TSHB: variants seen among roughly 807,000 people sequenced by gnomAD.
TSHB encodes the protein thyroid stimulating hormone subunit beta.
Under a neutral mutation model 9.3 loss-of-function variants are expected in TSHB, and 9 were observed. That is an observed-to-expected ratio of 0.97 (90% CI 0.58 to 1.69). The LOEUF (loss-of-function observed/expected upper bound fraction) is 1.69, where lower values mean the gene tolerates loss of function less well. TSHB is among the 40% of genes most tolerant of loss of function. The probability of loss-of-function intolerance (pLI) is 0.00; values close to 1 mark genes in which losing one functional copy is unlikely to be tolerated. For synonymous variants in TSHB, 57 were observed against 57.2 expected (o/e 1.00, Z 0.01); for missense variants, 182 against 168.5 (o/e 1.08, Z -0.44).
intron 2 of TSHB, 61 bp downstream of exon 2, chr1:115,033,585 C>T: frequency 7.0e-7 from 1 of 1,424,750 alleles, no homozygotes; most frequent in Admixed American, 1.7e-5. Context: ...GAAGTCCATT[C>T]CTATATAGAA....
At chr1:115,031,747 C>T (rs1390226253) in intron 1 of TSHB, among the ~76,000 whole-genome samples, 1 of 151,996 alleles carries the variant, frequency 6.6e-6, no homozygotes, top group Non-Finnish European at 1.5e-5. Flanking sequence ...ATAGAGGGAG[C>T]TCACATTTGA....
Position 115,033,435 on chromosome 1 carries a change from A to G in TSHB, c.73A>G (p.Thr25Ala). ...GCAAGCGATGTCTTTTTGTATTCCAACTGAGTATACAATGCACATCGAAAG... is the reference window on the plus strand; with the variant it reads ...GCAAGCGATGTCTTTTTGTATTCCAGCTGAGTATACAATGCACATCGAAAG... ...CGQAMSFCIPTEYTMHIERRE... is the reference protein window; with the variant it reads ...CGQAMSFCIPAEYTMHIERRE... The change falls in exon 2 of 3, where the codon ACT becomes GCT. Residue 25 changes from threonine to alanine, a missense_variant. Thr to Ala is a moderately conservative substitution (Grantham distance 58). Transcript: ENST00000256592. The G allele has an allele frequency of 1.1e-5, 18 of 1,613,286 alleles. No homozygotes were observed. Among genetic ancestry groups the G allele is most frequent in the Non-Finnish European group, 1.5e-5 (18 of 1,179,310 alleles).
At chr1:115,030,605 C>T (rs61046251) in intron 1 of TSHB, among the ~76,000 whole-genome samples, 65,509 of 151,806 alleles carry the variant, frequency 0.43, 14,686 homozygotes, top group Non-Finnish European at 0.5. Context: ...TAAGAAAATA[C>T]GTTCAAAGTA....
rs138267022 is a variant in TSHB at position 115,034,106 on chromosome 1, T to C, written c.296T>C (p.Val99Ala). The C allele has an allele frequency of 6.9e-4, 1,113 of 1,613,852 alleles. 8 individuals carry two copies. The African/African-American group carries it at 0.013, about 19-fold the overall frequency. The change falls in exon 3 of 3, where the codon GTT becomes GCT. Residue 99 changes from valine (V) to alanine (A), a missense_variant. Val to Ala is a moderately conservative substitution (Grantham distance 64). Coordinates refer to ENST00000256592, the MANE Select transcript of TSHB (RefSeq NM_000549.5). Reference protein sequence around the residue: ...LHVAPYFSYPVALSCKCGKCN... With the variant: ...LHVAPYFSYPAALSCKCGKCN... ...GTTGCTCCCTATTTTTCCTATCCTG[T>C]TGCTTTAAGCTGTAAGTGTGGCAAG...
intron 2 of TSHB, 136 bp downstream of exon 2, chr1:115,033,660 A>C: frequency 1.1e-6 from 1 of 872,700 alleles, no homozygotes; most frequent in East Asian, 2.5e-5. Flanking sequence ...TTAGAAGCAG[A>C]GTACACAGGT....
At chr1:115,031,840 G>A (rs1340007964) in intron 1 of TSHB, among the ~76,000 whole-genome samples, 5 of 151,980 alleles carry the variant, frequency 3.3e-5, no homozygotes, top group Admixed American at 2.0e-4. Context: ...CAAACCTTCC[G>A]TGGAATGTTT....
intron 2 of TSHB, 122 bp downstream of exon 2, chr1:115,033,646 C>A: frequency 1.0e-6 from 1 of 975,096 alleles, no homozygotes; most frequent in Non-Finnish European, 1.6e-6. Context: ...TGGTTATTGG[C>A]TCCTTAGAAG....
chr1:115,031,065 G>A (rs1461010423), intron 1 of TSHB, among the ~76,000 whole-genome samples: 2 of 151,968 alleles, frequency 1.3e-5, no homozygotes, highest in South Asian at 2.1e-4. Context: ...TTTGTGCTGC[G>A]AAGATTTTCA....
intron 1 of TSHB, among the ~76,000 whole-genome samples, chr1:115,030,734 T>A (rs947644619): frequency 6.6e-6 from 1 of 151,950 alleles, no homozygotes; most frequent in Non-Finnish European, 1.5e-5. Context: ...GAATAAGCAA[T>A]TAAGTGGCAA....
intron 1 of TSHB, among the ~76,000 whole-genome samples, chr1:115,031,807 T>C (rs1674899682): frequency 6.6e-6 from 1 of 152,066 alleles, no homozygotes; most frequent in Non-Finnish European, 1.5e-5. Flanking sequence ...TGTATGTTTT[T>C]GCTCCTTAAC....
In TSHB at chr1:115,033,721, A is replaced by G. The variant is rs533293506; in HGVS notation, c.162+197A>G. 2.0e-5 allele frequency among the ~76,000 whole-genome samples: 3 copies of G among 152,228 alleles called. No individual in the cohort carries two copies. In the East Asian group the frequency reaches 5.8e-4, roughly 29 times the overall value. ...CACAATGGATACGCATAATTTTATA[A>G]CAGTTTTGTGTCCCAGCTTTACTTA... is the stretch of plus-strand genomic sequence containing the variant. On this transcript the variant is annotated intron_variant, in intron 2 of 2. Coordinates refer to ENST00000256592, the MANE Select transcript of TSHB (RefSeq NM_000549.5).
At position 115,034,302 on chromosome 1, in the gene TSHB, A is replaced by G; in HGVS notation, c.*75A>G. 1.3e-6 allele frequency: 2 copies of G among 1,512,266 alleles called. No individual in the cohort carries two copies. The highest frequency in any genetic ancestry group is 1.8e-6 in the Non-Finnish European group (2 of 1,091,218). The allele number at this position is 1,512,266 out of a possible 1,614,324, so 93.7% of individuals were successfully genotyped here. On this transcript the variant is annotated 3_prime_UTR_variant, in exon 3 of 3. Transcript: ENST00000256592. Reference sequence around the variant, plus strand: ...TAATAAAAATATTATGTTTCACATTATCTTCTGTTCATTTTGAGTACTATT... The same window carrying G: ...TAATAAAAATATTATGTTTCACATTGTCTTCTGTTCATTTTGAGTACTATT...
At position 115,034,300 on chromosome 1, in the gene TSHB, T is replaced by A. The variant is rs1367375501; in HGVS notation, c.*73T>A. On this transcript the variant is annotated 3_prime_UTR_variant, in exon 3 of 3. Transcript: ENST00000256592. Reference sequence around the variant, plus strand: ...GCTAATAAAAATATTATGTTTCACATTATCTTCTGTTCATTTTGAGTACTA... The same window carrying A: ...GCTAATAAAAATATTATGTTTCACAATATCTTCTGTTCATTTTGAGTACTA... 2 of 1,511,030 alleles carry A rather than the reference T, an allele frequency of 1.3e-6. No homozygotes were observed. The highest frequency in any genetic ancestry group is 1.4e-5 in the African/African-American group (1 of 72,730). The allele number at this position is 1,511,030 out of a possible 1,614,324, so 93.6% of individuals were successfully genotyped here. A position where few individuals can be genotyped will look rare whatever the true frequency, so the allele number is the denominator to read the frequency against.
rs1280036337 is a variant in TSHB at position 115,034,028 on chromosome 1, C to A, written c.218C>A (p.Thr73Lys). 1.2e-6 allele frequency: 2 copies of A among 1,613,778 alleles called. No individual in the cohort carries two copies. Among genetic ancestry groups the A allele is most frequent in the Non-Finnish European group, 1.7e-6 (2 of 1,179,744 alleles). ...TATGCTCTGTCCCAGGATGTTTGCACATATAGAGACTTCATCTACAGGACT... is the reference window on the plus strand; with the variant it reads ...TATGCTCTGTCCCAGGATGTTTGCAAATATAGAGACTTCATCTACAGGACT... Reference protein sequence around the residue: ...PKYALSQDVCTYRDFIYRTVE... With the variant: ...PKYALSQDVCKYRDFIYRTVE... Residue 73 changes from threonine (T) to lysine (K), a missense_variant, in exon 3 of 3, where the codon ACA becomes AAA. By Grantham distance (78) the Thr-to-Lys change is moderately conservative. Transcript: ENST00000256592.
intron 2 of TSHB, 117 bp from the exon 3 acceptor site, chr1:115,033,856 C>T: frequency 1.4e-6 from 2 of 1,444,764 alleles, no homozygotes; most frequent in Non-Finnish European, 1.9e-6. Flanking sequence ...CTAAGCAATT[C>T]TTTCCCAGTT....
chr1:115,032,401 T>C (rs555989930), intron 1 of TSHB, among the ~76,000 whole-genome samples: 2 of 152,124 alleles, frequency 1.3e-5, no homozygotes, highest in South Asian at 4.1e-4. Context: ...AACTGACAGA[T>C]TTGGGGAAAT....
intron 2 of TSHB, chr1:115,033,770 A>C (rs1489673493): frequency 3.6e-6 from 1 of 279,514 alleles, no homozygotes; most frequent in Non-Finnish European, 5.4e-6. Context: ...TCCCATGATC[A>C]ACGATGAAAG....
chr1:115,033,928 C>T, intron 2 of TSHB, 45 bp from the exon 3 acceptor site: 1 of 1,606,646 alleles, frequency 6.2e-7, no homozygotes, highest in Non-Finnish European at 8.5e-7. Flanking sequence ...TATATGTTTC[C>T]TAAAGTCCTG....
chr1:115,034,115 G>T lies in TSHB; in HGVS notation c.305G>T (p.Ser102Ile), dbSNP rs1025135182. The T allele has an allele frequency of 1.2e-6, 2 of 1,613,712 alleles. No homozygotes were observed. The highest frequency in any genetic ancestry group is 2.7e-5 in the African/African-American group (2 of 74,856). Residue 102 changes from serine to isoleucine, a missense_variant, in exon 3 of 3, where the codon AGC (serine) becomes ATC (isoleucine). By Grantham distance (142) the Ser-to-Ile change is moderately radical. Transcript: ENST00000256592. ...TATTTTTCCTATCCTGTTGCTTTAA[G>T]CTGTAAGTGTGGCAAGTGCAATACT... ...APYFSYPVAL[S>I]CKCGKCNTDY... is the part of the protein sequence containing the mutation.
Sources: gnomAD v4.1 joint callset for allele counts (sites outside exome capture counted in the v4.1 genomes callset) on GRCh38, gnomAD v4.1.1 for gene constraint, MANE v1.5 for transcripts, NCBI Gene and HGNC (gene_info 2026-07-23, HGNC 2026-07-21) for gene names.